Variants in SIK3 observed in about 807,000 individuals in gnomAD.
SIK3 encodes SIK family kinase 3.
In SIK3, 28 loss-of-function variants were observed where a neutral mutation model predicts 144.2. That is an observed-to-expected ratio of 0.19 (90% CI 0.14 to 0.27). The LOEUF (loss-of-function observed/expected upper bound fraction) is 0.27, where lower values mean the gene tolerates loss of function less well. SIK3 is among the 10% of genes least tolerant of loss of function. SIK3 has a pLI of 1.00. For missense variants in SIK3, 1,319 were observed against 1,776.0 expected, an observed-to-expected ratio of 0.74 and a Z score of 4.62; for synonymous variants, 686 against 676.3, an observed-to-expected ratio of 1.01 and a Z score of -0.22.
At position 116,858,043 on chromosome 11, in the gene SIK3, T is replaced by G; in HGVS notation, c.3422A>C (p.Glu1141Ala). ...YAHQPALMHSESMEEDCSCEG... is the reference protein window; with the variant it reads ...YAHQPALMHSASMEEDCSCEG... ...ACACGAGCAGTCCTCCTCCATGCTCTCTGAATGCATCAGTGCCGGCTGGTG... is the reference window on the plus strand; with the variant it reads ...ACACGAGCAGTCCTCCTCCATGCTCGCTGAATGCATCAGTGCCGGCTGGTG... The change falls in exon 21 of 25, where the codon GAG (glutamate) becomes GCG (alanine). Residue 1141 changes from glutamate (E) to alanine (A), a missense_variant. Physicochemically the swap from Glu to Ala is moderately radical, Grantham distance 107. Around this residue, in one of 8 missense-constraint regions of SIK3, gnomAD observed 646 missense variants for 763.7 expected, o/e 0.85. Coordinates refer to ENST00000445177, the MANE Select transcript of SIK3 (RefSeq NM_001366686.3). This position sits in a 1 kb window ranked among gnomAD's most constrained non-coding sequence, Gnocchi z 5.4. 1 of 1,613,818 alleles carries G rather than the reference T, an allele frequency of 6.2e-7. No individual in the cohort carries two copies. The highest frequency in any genetic ancestry group is 1.1e-5 in the South Asian group (1 of 91,018).
chr11:116,984,577 T>C (rs2135529791), intron 1 of SIK3, among the ~76,000 whole-genome samples: 1 of 152,310 alleles, frequency 6.6e-6, no homozygotes, highest in Non-Finnish European at 1.5e-5. Context: ...CATTTGGTGC[T>C]GGCAAAAATG....
intron 6 of SIK3, among the ~76,000 whole-genome samples, chr11:116,878,230 A>G (rs1384562016): frequency 6.6e-6 from 1 of 152,000 alleles, no homozygotes; most frequent in Non-Finnish European, 1.5e-5. Context: ...CTCCATTACA[A>G]TCTGTTTTCT....
chr11:116,990,681 A>G (rs144023127), intron 1 of SIK3, among the ~76,000 whole-genome samples: 1 of 152,276 alleles, frequency 6.6e-6, no homozygotes, highest in East Asian at 1.9e-4. Context: ...CCACCTCCAC[A>G]GTATTACCTT....
At chr11:116,883,348 T>C (rs111803807) in intron 6 of SIK3, among the ~76,000 whole-genome samples, 12 of 152,248 alleles carry the variant, frequency 7.9e-5, no homozygotes, top group Admixed American at 7.8e-4. Context: ...GATCTTGTTA[T>C]AACATGGACA....
intron 4 of SIK3, among the ~76,000 whole-genome samples, chr11:116,907,232 T>A (rs191780666): frequency 2.6e-5 from 4 of 152,342 alleles, no homozygotes; most frequent in African/African-American, 9.6e-5. Context: ...TTAGTATGAA[T>A]CAGATGCAGC....
At chr11:117,034,909 T>C (rs1247456393) in intron 1 of SIK3, among the ~76,000 whole-genome samples, 1 of 152,254 alleles carries the variant, frequency 6.6e-6, no homozygotes, top group Non-Finnish European at 1.5e-5. Context: ...GTAACATGGC[T>C]ACAGCAATCA....
At chr11:116,856,634 C>A (rs905259408) in intron 21 of SIK3, among the ~76,000 whole-genome samples, 4 of 152,204 alleles carry the variant, frequency 2.6e-5, no homozygotes, top group African/African-American at 9.7e-5. Context: ...CTCACTGGAG[C>A]CAATCTCTCA....
chr11:116,876,228 T>C, intron 8 of SIK3, 25 bp downstream of exon 8: 1 of 1,600,496 alleles, frequency 6.2e-7, no homozygotes, highest in Non-Finnish European at 8.5e-7. Flanking sequence ...ACATCCCACT[T>C]TGTTCTCCAC....
intron 1 of SIK3, among the ~76,000 whole-genome samples, chr11:117,061,791 T>A (rs551387892): frequency 6.6e-5 from 10 of 152,228 alleles, no homozygotes; most frequent in African/African-American, 1.9e-4. Flanking sequence ...TTTGAAAATG[T>A]CAATAAATAA....
chr11:116,854,908 T>G (rs912031075), intron 21 of SIK3, among the ~76,000 whole-genome samples: 1 of 151,656 alleles, frequency 6.6e-6, no homozygotes, highest in Non-Finnish European at 1.5e-5. Context: ...CTGGCCAACA[T>G]GGTGAAACCC....
chr11:116,872,000 C>T (rs1943996072), intron 13 of SIK3, among the ~76,000 whole-genome samples: 1 of 152,026 alleles, frequency 6.6e-6, no homozygotes, highest in Non-Finnish European at 1.5e-5. Context: ...ACTGAAATTA[C>T]AGGAGTGGAC....
chr11:116,978,511 G>GTT (rs535704733), intron 1 of SIK3, among the ~76,000 whole-genome samples: 3 of 147,716 alleles, frequency 2.0e-5, no homozygotes, highest in Non-Finnish European at 4.5e-5. Flanking sequence ...AATCATACTC[G>GTT]TTTTTTTTTT....
At chr11:116,988,249 G>C (rs528926737) in intron 1 of SIK3, among the ~76,000 whole-genome samples, 2 of 151,966 alleles carry the variant, frequency 1.3e-5, no homozygotes, top group Non-Finnish European at 2.9e-5. Context: ...TAGCCGGCAC[G>C]GTGGCAGGCG....
At chr11:117,014,517 C>G (rs1212756896) in intron 1 of SIK3, among the ~76,000 whole-genome samples, 2 of 151,578 alleles carry the variant, frequency 1.3e-5, no homozygotes, top group African/African-American at 4.8e-5. Context: ...TCAAAAGACA[C>G]AACTAACAGG....
intron 1 of SIK3, among the ~76,000 whole-genome samples, chr11:117,013,944 G>GTTTTTTTTTTT (rs1951399347): frequency 1.5e-5 from 1 of 64,976 alleles, no homozygotes; most frequent in Non-Finnish European, 4.1e-5. Context: ...GTGTGTGTGT[G>GTTTTTTTTTTT]TGTGTGTTTT....
At chr11:116,857,756 G>A (rs1310054335) in intron 21 of SIK3, 54 bp downstream of exon 21, 3 of 1,577,796 alleles carry the variant, frequency 1.9e-6, no homozygotes, top group South Asian at 1.2e-5. Flanking sequence ...ACATTACTGA[G>A]TCAGTTGATT....
intron 21 of SIK3, among the ~76,000 whole-genome samples, chr11:116,851,359 G>C (rs545652824): frequency 6.6e-6 from 1 of 152,292 alleles, no homozygotes; most frequent in Admixed American, 6.5e-5. Context: ...AATGCTAACT[G>C]TGCCATTCCA....
intron 4 of SIK3, among the ~76,000 whole-genome samples, chr11:116,908,390 G>T (rs1174079341): frequency 6.6e-6 from 1 of 152,122 alleles, no homozygotes; most frequent in Non-Finnish European, 1.5e-5. Context: ...GAGGCAAGAG[G>T]ATTGCCTGAG....
chr11:116,861,699 G>A, intron 18 of SIK3, 142 bp downstream of exon 18: 1 of 653,706 alleles, frequency 1.5e-6, no homozygotes, highest in East Asian at 2.7e-5. Context: ...GAAGGCTCCT[G>A]AAATTTACAG....
Sources: allele counts gnomAD v4.1 joint callset (sites outside exome capture counted in the v4.1 genomes callset), GRCh38; gene constraint gnomAD v4.1.1; regional missense constraint gnomAD v4.1.1; non-coding constraint Gnocchi (gnomAD v3.1); transcripts MANE v1.5; gene names NCBI Gene and HGNC (gene_info 2026-07-23, HGNC 2026-07-21).